Variants in RGL1 observed in about 807,000 individuals in gnomAD.
RGL1 encodes the protein ral guanine nucleotide dissociation stimulator-like 1.
In RGL1, 24 loss-of-function variants were observed where a neutral mutation model predicts 95.2. The observed-to-expected ratio is 0.25, with a 90% CI of 0.18 to 0.35. The LOEUF (loss-of-function observed/expected upper bound fraction) is 0.35, where lower values mean the gene tolerates loss of function less well. Ranked by LOEUF, RGL1 falls within the 10% of genes least tolerant of loss-of-function variation. The pLI, the probability that RGL1 is intolerant of heterozygous loss-of-function variation, is 1.00. For synonymous variants in RGL1, 329 were observed against 344.9 expected (o/e 0.95, Z 0.51); for missense variants, 715 against 936.3 (o/e 0.76, Z 3.08).
intron 15 of RGL1, among the ~76,000 whole-genome samples, chr1:183,913,356 C>T (rs896000775): frequency 6.6e-6 from 1 of 151,794 alleles, no homozygotes; most frequent in African/African-American, 2.4e-5. Context: ...CCACCATGCC[C>T]GCATAATTTT....
intron 1 of RGL1, among the ~76,000 whole-genome samples, chr1:183,683,222 G>A (rs1432752682): frequency 6.6e-6 from 1 of 152,066 alleles, no homozygotes. Flanking sequence ...ATGATGCTAG[G>A]TGGTTATTTT....
chr1:183,643,996 G>C (rs1485712761), intron 1 of RGL1, among the ~76,000 whole-genome samples: 1 of 152,088 alleles, frequency 6.6e-6, no homozygotes, highest in Non-Finnish European at 1.5e-5. Flanking sequence ...AAAGTTCTGG[G>C]ATCTAGAACC....
chr1:183,676,900 G>A (rs911319948), intron 1 of RGL1, among the ~76,000 whole-genome samples: 1 of 150,000 alleles, frequency 6.7e-6, no homozygotes, highest in Non-Finnish European at 1.5e-5. Context: ...GATTTTTTTT[G>A]TGAGTATTAA....
chr1:183,731,882 T>C (rs1426648050), intron 1 of RGL1, among the ~76,000 whole-genome samples: 1 of 152,138 alleles, frequency 6.6e-6, no homozygotes, highest in South Asian at 2.1e-4. Flanking sequence ...CATACGATTG[T>C]AGACTTCCCA....
intron 2 of RGL1, among the ~76,000 whole-genome samples, chr1:183,745,004 T>G (rs1035600643): frequency 1.3e-5 from 2 of 152,312 alleles, no homozygotes; most frequent in South Asian, 2.1e-4. Context: ...TAGCAGCATA[T>G]GAAAGTTCAA....
chr1:183,801,143 TTGTGTG>T (rs139990784), upstream of RGL1, among the ~76,000 whole-genome samples: 119 of 129,998 alleles, frequency 9.2e-4, no homozygotes, highest in Middle Eastern at 0.012. Context: ...ACTTGTTATT[TTGTGTG>T]TGTGTGTGTG....
At chr1:183,856,258 A>C (rs1389458480) in intron 3 of RGL1, among the ~76,000 whole-genome samples, 1 of 151,980 alleles carries the variant, frequency 6.6e-6, no homozygotes. Flanking sequence ...AAAAAAACCC[A>C]AAAAAACTTG....
intron 1 of RGL1, among the ~76,000 whole-genome samples, chr1:183,637,769 C>A (rs1246614333): frequency 6.6e-6 from 1 of 152,084 alleles, no homozygotes; most frequent in African/African-American, 2.4e-5. Context: ...GGTAAAAATT[C>A]TCTTAGGAAT....
At chr1:183,768,299 T>C (rs1316085740) in intron 2 of RGL1, among the ~76,000 whole-genome samples, 1 of 152,052 alleles carries the variant, frequency 6.6e-6, no homozygotes, top group African/African-American at 2.4e-5. Context: ...TTCTTTCTCA[T>C]ACAAAATTCT....
In RGL1 at chr1:183,849,482, A is replaced by AATTTTTTTTTTTTT. The variant is rs150367802; in HGVS notation, c.347+1708_347+1709insATTTTTTTTTTTTT. Among the ~76,000 whole-genome samples, 15 of 99,356 alleles carry AATTTTTTTTTTTTT rather than the reference A, an allele frequency of 1.5e-4. 1 individual carries two copies. Among genetic ancestry groups the AATTTTTTTTTTTTT allele is most frequent in the Admixed American group, 2.7e-4 (2 of 7,384 alleles). 65.2% of individuals were successfully genotyped at this position (99,356 alleles called of 152,430 possible). ...GACATTTAAGTTTTCTCCAGTTTTT[A>AATTTTTTTTTTTTT]GTTTTTTTTTTTTTTTTTTTTTTTG... On this transcript the variant is annotated intron_variant, in intron 3 of 17. Coordinates refer to ENST00000360851, the MANE Select transcript of RGL1 (RefSeq NM_001297671.3).
intron 2 of RGL1, chr1:183,754,855 A>G (rs765799233): frequency 5.3e-5 from 8 of 152,372 alleles, no homozygotes; most frequent in Admixed American, 3.9e-4. Flanking sequence ...GGTTTGGCCA[A>G]TGACGTCTGA....
chr1:183,802,129 CATTCTT>C (rs1661025869), upstream of RGL1, among the ~76,000 whole-genome samples: 1 of 152,198 alleles, frequency 6.6e-6, no homozygotes, highest in Non-Finnish European at 1.5e-5. Context: ...TGTCCAATTT[CATTCTT>C]TTACATGTGA....
rs1257919300 is a variant in RGL1, at chr1:183,724,966, C to T, written c.-32-17160C>T. ...TCTCCCCCAGCTCTAGGCACCACAA[C>T]ACACACACACACACACGGAGGGAAG... On this transcript the variant is annotated intron_variant, in intron 1 of 18. Coordinates refer to the RGL1 transcript ENST00000304685. The surrounding 1 kb of genome is among the most constrained non-coding windows in gnomAD (Gnocchi z 4.1). 2.0e-5 allele frequency among the ~76,000 whole-genome samples: 3 copies of T among 150,202 alleles called. No homozygotes were observed. The highest frequency in any genetic ancestry group is 3.0e-5 in the Non-Finnish European group (2 of 67,430).
chr1:183,868,948 C>T (rs1041666361), intron 4 of RGL1, among the ~76,000 whole-genome samples: 12 of 152,110 alleles, frequency 7.9e-5, no homozygotes, highest in African/African-American at 2.7e-4. Context: ...GACTCTGTCT[C>T]TACAAAAATT....
intron 9 of RGL1, among the ~76,000 whole-genome samples, chr1:183,896,514 G>A (rs1185666096): frequency 6.6e-6 from 1 of 152,148 alleles, no homozygotes; most frequent in Non-Finnish European, 1.5e-5. Flanking sequence ...CTGAGAGATG[G>A]AACATGTTGA....
intron 2 of RGL1, among the ~76,000 whole-genome samples, chr1:183,820,094 T>G (rs369834815): frequency 5.5e-4 from 83 of 152,190 alleles, no homozygotes; most frequent in African/African-American, 2.0e-3. Context: ...GCCCATTTTG[T>G]TTTGTTTCGT....
chr1:183,841,288 T>C (rs1320945339), intron 2 of RGL1, among the ~76,000 whole-genome samples: 2 of 152,224 alleles, frequency 1.3e-5, no homozygotes, highest in Admixed American at 6.5e-5. Flanking sequence ...TTTTTTAGTA[T>C]GCATAGATCC....
chr1:183,657,625 A>G (rs2102015161), intron 1 of RGL1, among the ~76,000 whole-genome samples: 1 of 151,734 alleles, frequency 6.6e-6, no homozygotes, highest in East Asian at 1.9e-4. Flanking sequence ...TGAACTCATC[A>G]TTTTTTATGG....
intron 15 of RGL1, among the ~76,000 whole-genome samples, chr1:183,915,703 CATG>C (rs1477897504): frequency 1.3e-5 from 2 of 152,224 alleles, no homozygotes; most frequent in African/African-American, 4.8e-5. Flanking sequence ...TATGAAAGTT[CATG>C]ATAAGCCTCA....
Sources: allele counts gnomAD v4.1 joint callset (sites outside exome capture counted in the v4.1 genomes callset), GRCh38; gene constraint gnomAD v4.1.1; non-coding constraint Gnocchi (gnomAD v3.1); transcripts MANE v1.5; gene names NCBI Gene and HGNC (gene_info 2026-07-23, HGNC 2026-07-21).